Variants in MED1 observed in about 807,000 individuals in gnomAD.
MED1 encodes the protein mediator complex subunit 1.
A neutral mutation model predicts 121.3 loss-of-function variants in MED1; 17 were observed. That is an observed-to-expected ratio of 0.14 (90% CI 0.10 to 0.21). The LOEUF is 0.21. Among genes scored for constraint, MED1 ranks in the 10% least tolerant of loss-of-function variants. The pLI, the probability that MED1 is intolerant of heterozygous loss-of-function variation, is 1.00. For missense variants in MED1, 1,558 were observed against 1,919.4 expected (o/e 0.81, Z 3.52); for synonymous variants, 661 against 694.4 (o/e 0.95, Z 0.76).
intron 13 of MED1, among the ~76,000 whole-genome samples, chr17:39,421,848 G>A (rs112096265): frequency 6.0e-4 from 91 of 151,832 alleles, no homozygotes; most frequent in Middle Eastern, 3.4e-3. Flanking sequence ...CTGTCACCCC[G>A]CCAGGCAAGG....
At chr17:39,422,400 G>A (rs1052761900) in intron 13 of MED1, among the ~76,000 whole-genome samples, 6 of 148,550 alleles carry the variant, frequency 4.0e-5, no homozygotes, top group Non-Finnish European at 8.9e-5. Flanking sequence ...TCTTGACCTC[G>A]TGATCCACCT....
Position 39,406,619 on chromosome 17 carries a change from A to G in MED1, c.*856T>C. 4 of 984,004 alleles carry G rather than the reference A, an allele frequency of 4.1e-6. No homozygotes were observed. Among genetic ancestry groups the G allele is most frequent in the African/African-American group, 1.8e-5 (1 of 56,950 alleles). 61.0% of individuals were successfully genotyped at this position (984,004 alleles called of 1,614,324 possible). On this transcript the variant is annotated 3_prime_UTR_variant, in exon 17 of 17. Coordinates refer to ENST00000300651, the MANE Select transcript of MED1 (RefSeq NM_004774.4). ...CAAGTCAATACCTCCACAGAGAGGT[A>G]ACTCCTAATATTCCTATGATCTCTG...
intron 9 of MED1, among the ~76,000 whole-genome samples, chr17:39,429,024 T>A (rs766056454): frequency 1.3e-4 from 19 of 141,600 alleles, no homozygotes; most frequent in Non-Finnish European, 2.6e-4. Flanking sequence ...ACAATTGATT[T>A]AAAAAAAAAA....
chr17:39,448,614 T>G (rs1413987512), intron 1 of MED1, among the ~76,000 whole-genome samples: 1 of 132,570 alleles, frequency 7.5e-6, no homozygotes, highest in East Asian at 2.2e-4. Flanking sequence ...AGAAAAAAAA[T>G]AAATGAAAAT....
In MED1 at chr17:39,447,908, T is replaced by C. The variant is rs755536910; in HGVS notation, c.26-4A>G. ...ATCTTACTCAGCTTTTCTGACTCTATGATTTAAATCAGAAAACGTTATCAG... is the reference window on the plus strand; with the variant it reads ...ATCTTACTCAGCTTTTCTGACTCTACGATTTAAATCAGAAAACGTTATCAG... On this transcript the variant is annotated splice_polypyrimidine_tract_variant and splice_region_variant and intron_variant, in intron 1 of 16. Coordinates refer to ENST00000300651, the MANE Select transcript of MED1 (RefSeq NM_004774.4). 4.4e-6 allele frequency: 7 copies of C among 1,598,750 alleles called. No individual in the cohort carries two copies. In the South Asian group the frequency reaches 7.8e-5, roughly 18 times the overall value.
intron 14 of MED1, among the ~76,000 whole-genome samples, chr17:39,419,251 C>A (rs1041554857): frequency 6.6e-6 from 1 of 151,450 alleles, no homozygotes; most frequent in Admixed American, 6.6e-5. Flanking sequence ...CAACTGGCTA[C>A]TTTTTTCTAG....
chr17:39,412,785 C>T (rs571621483), intron 16 of MED1, among the ~76,000 whole-genome samples: 1 of 152,134 alleles, frequency 6.6e-6, no homozygotes, highest in Non-Finnish European at 1.5e-5. Context: ...ATTTACCCGC[C>T]TCAGCCTCCC....
rs1233060886 is a variant in MED1, at chr17:39,409,426, C to G, written c.2795G>C (p.Ser932Thr). ...GNNQADTVDF[S>T]IISVAGKALA... ...AGCTTTGCCGGCTACTGAAATAATA[C>G]TGAAATCAACTGTGTCGGCTTGGTT... The change falls in exon 17 of 17, where the codon AGT becomes ACT. Residue 932 changes from serine to threonine, a missense_variant. Physicochemically the swap from Ser to Thr is moderately conservative, Grantham distance 58. This residue lies in a region of MED1 where 793 missense variants were observed against 898.2 expected (regional missense o/e 0.88). Transcript: ENST00000300651. 11 of 1,614,162 alleles carry G rather than the reference C, an allele frequency of 6.8e-6. No homozygotes were observed. The South Asian group carries it at 1.1e-4, about 16-fold the overall frequency.
intron 3 of MED1, 143 bp downstream of exon 3, chr17:39,443,407 C>A: frequency 4.8e-6 from 3 of 627,258 alleles, no homozygotes; most frequent in Non-Finnish European, 8.5e-6. Context: ...AAGATCATTC[C>A]AACTCCATAA....
rs35749104 is a variant in MED1, at chr17:39,419,601, A to T, written c.1297+116T>A. 3 of 665,716 alleles carry T rather than the reference A, an allele frequency of 4.5e-6. No individual in the cohort carries two copies. The Admixed American group carries it at 1.1e-4, about 24-fold the overall frequency. The allele number at this position is 665,716 out of a possible 1,614,324, so 41.2% of individuals were successfully genotyped here. A position where few individuals can be genotyped will look rare whatever the true frequency, so the allele number is the denominator to read the frequency against. On this transcript the variant is annotated intron_variant, in intron 14 of 16. Transcript: ENST00000300651. ...TTGCTTGATTTTTATGCCAAATATG[A>T]AAAAAAAAAAACTTTTTTTAAGTTC...
rs564467453 is a variant in MED1, at chr17:39,444,279, C to T, written c.133-651G>A. Among the ~76,000 whole-genome samples, 16 of 151,962 alleles carry T rather than the reference C, an allele frequency of 1.1e-4. No homozygotes were observed. In the South Asian group the frequency reaches 1.5e-3, roughly 14 times the overall value. On this transcript the variant is annotated intron_variant, in intron 2 of 16. Coordinates refer to ENST00000300651, the MANE Select transcript of MED1 (RefSeq NM_004774.4). Reference sequence around the variant, plus strand: ...ATCCCAGCACTTTGGGAGGTCAAGGCGGGTGGATCACGAGGTCAAGAGACT... The same window carrying T: ...ATCCCAGCACTTTGGGAGGTCAAGGTGGGTGGATCACGAGGTCAAGAGACT...
At chr17:39,447,065 C>A (rs1346965604) in intron 2 of MED1, among the ~76,000 whole-genome samples, 1 of 152,082 alleles carries the variant, frequency 6.6e-6, no homozygotes, top group African/African-American at 2.4e-5. Context: ...GGATTTCACA[C>A]CTGACCTCAC....
intron 6 of MED1, among the ~76,000 whole-genome samples, chr17:39,437,212 A>G (rs2048628459): frequency 6.6e-6 from 1 of 152,168 alleles, no homozygotes; most frequent in Admixed American, 6.6e-5. Flanking sequence ...GATTACAGGC[A>G]TGAGCCATCG....
At chr17:39,420,771 A>G (rs1271156718) in intron 13 of MED1, among the ~76,000 whole-genome samples, 1 of 148,916 alleles carries the variant, frequency 6.7e-6, no homozygotes, top group Non-Finnish European at 1.5e-5. Flanking sequence ...GACTACAGGC[A>G]TGAACAACCA....
intron 9 of MED1, among the ~76,000 whole-genome samples, chr17:39,430,792 C>G (rs772185806): frequency 3.9e-5 from 6 of 151,908 alleles, no homozygotes; most frequent in Non-Finnish European, 8.8e-5. Flanking sequence ...CCAAGGTAGG[C>G]CGATCAGTCG....
chr17:39,419,552 C>T (rs966802471), intron 14 of MED1, among the ~76,000 whole-genome samples, 165 bp downstream of exon 14: 3 of 151,600 alleles, frequency 2.0e-5, no homozygotes, highest in African/African-American at 7.3e-5. Context: ...GGACTACAGT[C>T]GTGCACCACC....
intron 2 of MED1, among the ~76,000 whole-genome samples, chr17:39,444,950 G>A (rs1343910881): frequency 6.6e-6 from 1 of 151,912 alleles, no homozygotes; most frequent in Non-Finnish European, 1.5e-5. Flanking sequence ...GTTTCTCTCT[G>A]AAAAACATTC....
At chr17:39,416,230 T>C (rs1156490187) in intron 14 of MED1, among the ~76,000 whole-genome samples, 1 of 152,114 alleles carries the variant, frequency 6.6e-6, no homozygotes, top group Non-Finnish European at 1.5e-5. Flanking sequence ...ATCCCTAAAA[T>C]GTAAAAGTGA....
Position 39,408,511 on chromosome 17 carries a change from G to A in MED1, c.3710C>T (p.Thr1237Ile). 6.2e-7 allele frequency: 1 copy of A among 1,614,198 alleles called. No homozygotes were observed. The highest frequency in any genetic ancestry group is 8.5e-7 in the Non-Finnish European group (1 of 1,180,044). Reference protein sequence around the residue: ...SGSGGSHMSGTSSSSGMKSSS... With the variant: ...SGSGGSHMSGISSSSGMKSSS... ...TGACTTCATGCCAGAGCTTGAACTA[G>A]TTCCAGACATATGAGAACCACCAGA... Residue 1237 changes from threonine (T) to isoleucine (I), a missense_variant, in exon 17 of 17, where the codon ACT becomes ATT. Physicochemically the swap from Thr to Ile is moderately conservative, Grantham distance 89. This residue lies in a region of MED1 where 793 missense variants were observed against 898.2 expected (regional missense o/e 0.88). Coordinates refer to ENST00000300651, the MANE Select transcript of MED1 (RefSeq NM_004774.4). This position sits in a 1 kb window ranked among gnomAD's most constrained non-coding sequence, Gnocchi z 4.7.
Sources: allele counts gnomAD v4.1 joint callset (sites outside exome capture counted in the v4.1 genomes callset), GRCh38; gene constraint gnomAD v4.1.1; regional missense constraint gnomAD v4.1.1; non-coding constraint Gnocchi (gnomAD v3.1); transcripts MANE v1.5; gene names NCBI Gene and HGNC (gene_info 2026-07-23, HGNC 2026-07-21).